Variants in PTPRT observed in about 807,000 individuals in gnomAD.
PTPRT encodes the protein protein tyrosine phosphatase receptor type T, also known as receptor-type tyrosine-protein phosphatase T.
In PTPRT, 56 loss-of-function variants were observed where a neutral mutation model predicts 176.8. That is an observed-to-expected ratio of 0.32 (90% CI 0.26 to 0.40). The LOEUF (loss-of-function observed/expected upper bound fraction) is 0.40, where lower values mean the gene tolerates loss of function less well. PTPRT is among the 10% of genes least tolerant of loss of function. The probability of loss-of-function intolerance (pLI) is 1.00; values close to 1 mark genes in which losing one functional copy is unlikely to be tolerated. For synonymous variants in PTPRT, 783 were observed against 739.0 expected (o/e 1.06, Z -0.96); for missense variants, 1,540 against 1,908.2 (o/e 0.81, Z 3.60).
chr20:42,674,996 T>C (rs1161740668), intron 7 of PTPRT, among the ~76,000 whole-genome samples: 1 of 152,198 alleles, frequency 6.6e-6, no homozygotes, highest in Non-Finnish European at 1.5e-5. Flanking sequence ...GAAACATTAG[T>C]GAAGGAGAAA....
chr20:42,095,102 C>T (rs894076432), intron 27 of PTPRT, among the ~76,000 whole-genome samples: 1 of 152,150 alleles, frequency 6.6e-6, no homozygotes, highest in African/African-American at 2.4e-5. Flanking sequence ...AGAATCTACC[C>T]CCCAGTTCAA....
intron 1 of PTPRT, among the ~76,000 whole-genome samples, chr20:43,085,185 C>A (rs529921031): frequency 6.6e-6 from 1 of 152,266 alleles, no homozygotes; most frequent in Non-Finnish European, 1.5e-5. Context: ...AGCTAGGAGG[C>A]ATGGATGCAC....
At position 42,622,310 on chromosome 20, in the gene PTPRT, C is replaced by T. The variant is rs566933274; in HGVS notation, c.1153+55556G>A. Among the ~76,000 whole-genome samples the T allele has an allele frequency of 6.6e-5, 10 of 151,848 alleles. No homozygotes were observed. The South Asian group carries it at 8.3e-4, about 13-fold the overall frequency. Reference sequence around the variant, plus strand: ...AGGCTGGAGTGCAGTGGCGCCATCTCGGCTCACTGCAAGCTCCACCTCCTG... The same window carrying T: ...AGGCTGGAGTGCAGTGGCGCCATCTTGGCTCACTGCAAGCTCCACCTCCTG... On this transcript the variant is annotated intron_variant, in intron 7 of 30. Coordinates refer to ENST00000373187, the MANE Select transcript of PTPRT (RefSeq NM_007050.6).
chr20:42,788,035 GAA>G (rs2077317182), intron 3 of PTPRT, among the ~76,000 whole-genome samples: 1 of 152,014 alleles, frequency 6.6e-6, no homozygotes, highest in African/African-American at 2.4e-5. Flanking sequence ...TACACAAAAG[GAA>G]AAGACACCGA....
At chr20:42,211,299 A>T (rs1349670564) in intron 15 of PTPRT, among the ~76,000 whole-genome samples, 2 of 151,386 alleles carry the variant, frequency 1.3e-5, no homozygotes, top group Non-Finnish European at 3.0e-5. Flanking sequence ...GACAAATGGG[A>T]TCTAATTAAA....
intron 1 of PTPRT, among the ~76,000 whole-genome samples, chr20:43,050,351 A>T (rs927059002): frequency 4.6e-5 from 7 of 152,182 alleles, no homozygotes; most frequent in African/African-American, 1.7e-4. Flanking sequence ...ACGGGAAGGG[A>T]GCTCCAGGGA....
rs142661168 is a variant in PTPRT at position 42,649,416 on chromosome 20, C to T, written c.1153+28450G>A. Among the ~76,000 whole-genome samples the T allele has an allele frequency of 2.6e-3, 395 of 152,230 alleles. 2 individuals are homozygous for T. Among genetic ancestry groups the T allele is most frequent in the African/African-American group, 8.7e-3 (361 of 41,518 alleles). ...TCAAGATGAGATTTGGGTGGGGACA[C>T]AGCCAAACCATATCACATGCCTTGA... On this transcript the variant is annotated intron_variant, in intron 7 of 30. Coordinates refer to ENST00000373187, the MANE Select transcript of PTPRT (RefSeq NM_007050.6).
At position 42,342,713 on chromosome 20, in the gene PTPRT, T is replaced by G. The variant is rs187122686; in HGVS notation, c.1865+7915A>C. On this transcript the variant is annotated intron_variant, in intron 11 of 30. Transcript: ENST00000373187. ...CGGTAATGATTCCAATTTTGCTCAC[T>G]GCGGCTTCATGGACCAGCAAAACCC... 4.6e-5 allele frequency among the ~76,000 whole-genome samples: 7 copies of G among 152,340 alleles called. No homozygotes were observed. The East Asian group carries it at 1.4e-3, about 29-fold the overall frequency.
chr20:43,177,091 T>C (rs2015140341), intron 1 of PTPRT, among the ~76,000 whole-genome samples: 1 of 152,256 alleles, frequency 6.6e-6, no homozygotes, highest in African/African-American at 2.4e-5. Flanking sequence ...GTAACCCATC[T>C]GCAATGACGC....
chr20:42,857,306 T>C (rs1473414956), intron 2 of PTPRT, among the ~76,000 whole-genome samples: 2 of 152,218 alleles, frequency 1.3e-5, no homozygotes, highest in Admixed American at 6.5e-5. Flanking sequence ...CCCACATCTG[T>C]TTCCAAGAGT....
chr20:42,542,403 A>G (rs1568963953), intron 7 of PTPRT, among the ~76,000 whole-genome samples: 1 of 152,208 alleles, frequency 6.6e-6, no homozygotes, highest in Non-Finnish European at 1.5e-5. Context: ...GGGGGAAAAA[A>G]AATACAAATG....
intron 13 of PTPRT, among the ~76,000 whole-genome samples, chr20:42,264,288 G>T (rs1200300702): frequency 1.3e-5 from 2 of 152,180 alleles, no homozygotes; most frequent in East Asian, 3.9e-4. Context: ...ACCCTCTTCT[G>T]CATTAAGTCT....
At chr20:43,056,674 A>G (rs1274890445) in intron 1 of PTPRT, among the ~76,000 whole-genome samples, 1 of 152,252 alleles carries the variant, frequency 6.6e-6, no homozygotes, top group African/African-American at 2.4e-5. Flanking sequence ...TTATAGTGGA[A>G]AAGATCTCAG....
chr20:42,673,072 C>A (rs1468527108), intron 7 of PTPRT, among the ~76,000 whole-genome samples: 1 of 152,194 alleles, frequency 6.6e-6, no homozygotes, highest in Non-Finnish European at 1.5e-5. Flanking sequence ...CCTTACTACC[C>A]AATGCCACTC....
At chr20:42,255,315 T>A (rs1252272457) in intron 13 of PTPRT, among the ~76,000 whole-genome samples, 2 of 152,226 alleles carry the variant, frequency 1.3e-5, no homozygotes, top group East Asian at 3.8e-4. Flanking sequence ...AAGTTCACAC[T>A]GGGATTTTCT....
At chr20:42,263,371 CTTTTTTTTT>C (rs11477690) in intron 13 of PTPRT, among the ~76,000 whole-genome samples, 3 of 50,974 alleles carry the variant, frequency 5.9e-5, no homozygotes, top group African/African-American at 3.2e-4. Flanking sequence ...CCATGCCTGG[CTTTTTTTTT>C]TTTTTTTTTT....
intron 1 of PTPRT, among the ~76,000 whole-genome samples, chr20:43,060,852 C>A (rs1221588983): frequency 6.6e-6 from 1 of 152,090 alleles, no homozygotes. Flanking sequence ...AACTAAAGGG[C>A]ACAAGGGTAC....
intron 25 of PTPRT, among the ~76,000 whole-genome samples, chr20:42,103,212 TC>T (rs901002959): frequency 6.6e-6 from 1 of 152,176 alleles, no homozygotes; most frequent in Non-Finnish European, 1.5e-5. Flanking sequence ...ATGTCCAGGC[TC>T]CCTAGACCAA....
intron 12 of PTPRT, among the ~76,000 whole-genome samples, chr20:42,288,745 T>C (rs1454404954): frequency 6.6e-6 from 1 of 152,010 alleles, no homozygotes; most frequent in Non-Finnish European, 1.5e-5. Flanking sequence ...ATGAACCATG[T>C]TTTCTTTATC....
Sources: gnomAD v4.1 joint callset for allele counts (sites outside exome capture counted in the v4.1 genomes callset) on GRCh38, gnomAD v4.1.1 for gene constraint, MANE v1.5 for transcripts, NCBI Gene and HGNC (gene_info 2026-07-23, HGNC 2026-07-21) for gene names.